Variants in ABTB2 observed in about 807,000 individuals in gnomAD.
The protein encoded by ABTB2 is ankyrin repeat and BTB domain containing 2.
ABTB2 carries 56 observed loss-of-function variants against 104.1 expected under a neutral mutation model. That is an observed-to-expected ratio of 0.54 (90% CI 0.43 to 0.67). ABTB2 has a LOEUF of 0.67. ABTB2 is among the 30% of genes least tolerant of loss of function. The pLI, the probability that ABTB2 is intolerant of heterozygous loss-of-function variation, is 0.00. For missense variants in ABTB2, 1,279 were observed against 1,407.7 expected (o/e 0.91, Z 1.46); for synonymous variants, 606 against 608.2 (o/e 1.00, Z 0.05).
chr11:34,173,296 A>G lies in ABTB2; in HGVS notation c.1256T>C (p.Leu419Pro). The G allele has an allele frequency of 6.3e-7, 1 of 1,597,836 alleles. No homozygotes were observed. Among genetic ancestry groups the G allele is most frequent in the Non-Finnish European group, 8.5e-7 (1 of 1,172,302 alleles). Residue 419 changes from leucine to proline, a missense_variant, in exon 4 of 17, where the codon CTG becomes CCG. Physicochemically the swap from Leu to Pro is moderately conservative, Grantham distance 98 (BLOSUM62 -3). Transcript: ENST00000435224. ...MTLNNERPFM[L>P]LPPLMEWMRV... Reference sequence around the variant, plus strand: ...CATCCACTCCATGAGGGGCGGCAGCAGCATGAAGGGCCTGTGGGGCAGCAG... The same window carrying G: ...CATCCACTCCATGAGGGGCGGCAGCGGCATGAAGGGCCTGTGGGGCAGCAG...
intron 7 of ABTB2, among the ~76,000 whole-genome samples, chr11:34,166,887 G>A (rs1185533120): frequency 6.6e-6 from 1 of 152,208 alleles, no homozygotes. Flanking sequence ...CCCTGTAGTA[G>A]AATTCACGAG....
At chr11:34,230,130 A>G (rs2955954) in intron 1 of ABTB2, among the ~76,000 whole-genome samples, 105,556 of 152,098 alleles carry the variant, frequency 0.69, 36,687 homozygotes, top group Middle Eastern at 0.79. Context: ...CGCACTCAGC[A>G]CTCGCATATG....
chr11:34,154,883 G>A lies in ABTB2; in HGVS notation c.2698-114C>T. The A allele has an allele frequency of 1.0e-6, 1 of 995,820 alleles. No individual in the cohort carries two copies. Among genetic ancestry groups the A allele is most frequent in the Non-Finnish European group, 1.5e-6 (1 of 650,696 alleles). The allele number at this position is 995,820 out of a possible 1,614,324, so 61.7% of individuals were successfully genotyped here. On this transcript the variant is annotated intron_variant, in intron 14 of 16. Transcript: ENST00000435224. The surrounding 1 kb of genome is among the most constrained non-coding windows in gnomAD (Gnocchi z 4.9). ...GCCTCCAGGGGCCTGTCCCTCTGCAGGTCCCCAGCTCTGTCTCTCCCTCCC... is the reference window on the plus strand; with the variant it reads ...GCCTCCAGGGGCCTGTCCCTCTGCAAGTCCCCAGCTCTGTCTCTCCCTCCC...
At chr11:34,238,076 T>A (rs1452384456) in intron 1 of ABTB2, among the ~76,000 whole-genome samples, 1 of 152,184 alleles carries the variant, frequency 6.6e-6, no homozygotes, top group African/African-American at 2.4e-5. Flanking sequence ...ATTAAATAAA[T>A]TTTAAAAAAT....
chr11:34,175,771 A>AACCTC (rs545186556), intron 3 of ABTB2, among the ~76,000 whole-genome samples: 3 of 152,216 alleles, frequency 2.0e-5, no homozygotes, highest in Non-Finnish European at 4.4e-5. Flanking sequence ...GGACTCCCAG[A>AACCTC]ACCTCACCTC....
At chr11:34,332,074 T>C (rs1370136354) in intron 1 of ABTB2, among the ~76,000 whole-genome samples, 3 of 152,206 alleles carry the variant, frequency 2.0e-5, no homozygotes, top group Non-Finnish European at 4.4e-5. Flanking sequence ...GTCTTCCCAG[T>C]ATAGTATGCA....
intron 1 of ABTB2, among the ~76,000 whole-genome samples, chr11:34,290,447 A>T (rs992598842): frequency 4.6e-5 from 7 of 152,338 alleles, no homozygotes; most frequent in Admixed American, 1.3e-4. Context: ...TCTCTGTAAT[A>T]GGTGATAGTA....
intron 1 of ABTB2, among the ~76,000 whole-genome samples, chr11:34,236,306 C>A (rs376079488): frequency 6.6e-6 from 1 of 152,158 alleles, no homozygotes; most frequent in African/African-American, 2.4e-5. Flanking sequence ...AAATTTTCTT[C>A]TTCCTTTGCT....
intron 1 of ABTB2, among the ~76,000 whole-genome samples, chr11:34,217,711 C>T (rs762518941): frequency 3.3e-5 from 5 of 152,180 alleles, no homozygotes; most frequent in Admixed American, 1.3e-4. Flanking sequence ...ATCTGCCTGC[C>T]GCGGCCTCCC....
chr11:34,201,990 C>A (rs1045701331), intron 2 of ABTB2, among the ~76,000 whole-genome samples: 1 of 152,230 alleles, frequency 6.6e-6, no homozygotes, highest in African/African-American at 2.4e-5. Context: ...CGTGTGCACG[C>A]TGCACCTCAG....
intron 7 of ABTB2, among the ~76,000 whole-genome samples, chr11:34,166,355 G>A (rs1386901968): frequency 2.6e-5 from 4 of 152,242 alleles, no homozygotes; most frequent in African/African-American, 7.2e-5. Flanking sequence ...TGGAGGCGGG[G>A]GCCTGCTCAC....
intron 1 of ABTB2, among the ~76,000 whole-genome samples, chr11:34,330,496 A>G (rs1855115871): frequency 6.6e-6 from 1 of 152,272 alleles, no homozygotes; most frequent in African/African-American, 2.4e-5. Context: ...AATAGCTGTG[A>G]GATCAAATGA....
At chr11:34,235,950 G>A (rs1282884474) in intron 1 of ABTB2, among the ~76,000 whole-genome samples, 4 of 152,196 alleles carry the variant, frequency 2.6e-5, no homozygotes, top group Non-Finnish European at 2.9e-5. Flanking sequence ...GTCTGGGCAA[G>A]CACAGCGCCT....
In ABTB2 at chr11:34,152,106, C is replaced by T. The variant is rs549634036; in HGVS notation, c.*281G>A. On this transcript the variant is annotated 3_prime_UTR_variant, in exon 17 of 17. Transcript: ENST00000435224. ...GCTGCTGACCTGCAGGAGGGGAGAG[C>T]GACACCCCGGGGGAGTGCATGGCTG... 8 of 437,712 alleles carry T rather than the reference C, an allele frequency of 1.8e-5. No homozygotes were observed. Among genetic ancestry groups the T allele is most frequent in the Middle Eastern group, 6.6e-4 (1 of 1,510 alleles). The allele number at this position is 437,712 out of a possible 1,614,324, so 27.1% of individuals were successfully genotyped here. A position where few individuals can be genotyped will look rare whatever the true frequency, so the allele number is the denominator to read the frequency against.
intron 1 of ABTB2, among the ~76,000 whole-genome samples, chr11:34,209,010 G>A (rs1377275649): frequency 2.0e-5 from 3 of 152,054 alleles, no homozygotes; most frequent in African/African-American, 4.8e-5. Flanking sequence ...GCCTCACAAA[G>A]AAGTCCAAAC....
intron 1 of ABTB2, among the ~76,000 whole-genome samples, chr11:34,229,122 A>C (rs1270908432): frequency 4.2e-5 from 1 of 23,866 alleles, no homozygotes; most frequent in African/African-American, 1.1e-4. Context: ...TCCGTCTTGG[A>C]AAAAAAAAAA....
At chr11:34,184,883 C>T (rs1037597567) in intron 3 of ABTB2, among the ~76,000 whole-genome samples, 4 of 152,368 alleles carry the variant, frequency 2.6e-5, no homozygotes, top group African/African-American at 9.6e-5. Context: ...CCAGAGACCA[C>T]GAGCTCTTTC....
chr11:34,322,836 C>A lies in ABTB2; in HGVS notation c.883+33865G>T, dbSNP rs531150598. On this transcript the variant is annotated intron_variant, in intron 1 of 16. Coordinates refer to ENST00000435224, the MANE Select transcript of ABTB2 (RefSeq NM_145804.3). ...TGGGACCAGAGGTGCGTACCACCCACCCAGCTAATTTTTGTATTTTTTTGT... is the reference window on the plus strand; with the variant it reads ...TGGGACCAGAGGTGCGTACCACCCAACCAGCTAATTTTTGTATTTTTTTGT... Among the ~76,000 whole-genome samples the A allele has an allele frequency of 3.6e-3, 550 of 152,188 alleles. 4 individuals carry two copies. Among genetic ancestry groups the A allele is most frequent in the African/African-American group, 0.012 (515 of 41,528 alleles).
intron 1 of ABTB2, among the ~76,000 whole-genome samples, chr11:34,256,888 G>A (rs981757767): frequency 1.3e-5 from 2 of 152,198 alleles, no homozygotes; most frequent in African/African-American, 2.4e-5. Context: ...TGTCATGGCT[G>A]TGCAGCTGCA....
Sources: gnomAD v4.1 joint callset for allele counts (sites outside exome capture counted in the v4.1 genomes callset) on GRCh38, gnomAD v4.1.1 for gene constraint, Gnocchi (gnomAD v3.1) non-coding constraint, MANE v1.5 for transcripts, NCBI Gene and HGNC (gene_info 2026-07-23, HGNC 2026-07-21) for gene names.